KDM4C: variants seen among roughly 807,000 people sequenced by gnomAD.
KDM4C encodes lysine demethylase 4C, also known as lysine-specific demethylase 4C.
A neutral mutation model predicts 129.3 loss-of-function variants in KDM4C; 81 were observed. The observed-to-expected ratio is 0.63, with a 90% CI of 0.52 to 0.75. KDM4C has a LOEUF of 0.75. KDM4C is among the 30% of genes least tolerant of loss of function. The pLI is 0.00. For synonymous variants in KDM4C, 573 were observed against 456.1 expected (o/e 1.26, Z -3.26); for missense variants, 1,457 against 1,304.0 (o/e 1.12, Z -1.81).
At chr9:6,885,505 A>T (rs1207642360) in intron 6 of KDM4C, among the ~76,000 whole-genome samples, 2 of 152,170 alleles carry the variant, frequency 1.3e-5, no homozygotes, top group African/African-American at 4.8e-5. Context: ...GGTCTCTGGA[A>T]TACAAGCTTT....
chr9:6,873,078 C>T (rs1452055159), intron 5 of KDM4C, among the ~76,000 whole-genome samples: 2 of 152,060 alleles, frequency 1.3e-5, no homozygotes, highest in African/African-American at 4.8e-5. Flanking sequence ...AGGCGCGCAC[C>T]ACTCCACCTC....
intron 8 of KDM4C, among the ~76,000 whole-genome samples, chr9:6,979,614 T>G (rs1816415027): frequency 6.6e-6 from 1 of 152,266 alleles, no homozygotes; most frequent in East Asian, 1.9e-4. Context: ...TACACCTTAT[T>G]GAACTCAGGA....
At position 7,004,244 on chromosome 9, in the gene KDM4C, T is replaced by C. The variant is rs188250021; in HGVS notation, c.1787-7454T>C. Among the ~76,000 whole-genome samples, 578 of 152,348 alleles carry C rather than the reference T, an allele frequency of 3.8e-3. 9 individuals are homozygous for C. Among genetic ancestry groups the C allele is most frequent in the African/African-American group, 0.013 (543 of 41,580 alleles). The stretch of plus-strand genomic sequence containing the variant: ...ACATGTAACAAAATTTGTTCAAAGA[T>C]ACTGTCCTGAGTGAGTGAACGAATC... On this transcript the variant is annotated intron_variant, in intron 12 of 21. Transcript: ENST00000381309.
intron 21 of KDM4C, among the ~76,000 whole-genome samples, chr9:7,173,983 TAAGAA>T (rs1845208194): frequency 6.6e-6 from 1 of 152,066 alleles, no homozygotes; most frequent in Non-Finnish European, 1.5e-5. Context: ...AGCAGATAGT[TAAGAA>T]AGGGAACCCC....
At chr9:6,749,981 C>A (rs1387555928) in intron 1 of KDM4C, among the ~76,000 whole-genome samples, 1 of 99,458 alleles carries the variant, frequency 1.0e-5, no homozygotes. Flanking sequence ...AGTGAAACTC[C>A]TTCTCAAAAA....
intron 1 of KDM4C, among the ~76,000 whole-genome samples, chr9:6,771,502 G>T (rs1752146062): frequency 6.6e-6 from 1 of 151,308 alleles, no homozygotes; most frequent in Non-Finnish European, 1.5e-5. Flanking sequence ...GTAGAGACGG[G>T]GTTTCTCCAT....
intron 1 of KDM4C, among the ~76,000 whole-genome samples, chr9:6,728,090 A>T (rs1412230580): frequency 1.5e-5 from 2 of 132,104 alleles, no homozygotes; most frequent in East Asian, 4.4e-4. Context: ...AAAAAAAAAA[A>T]AAAAGTGTTA....
chr9:7,016,512 C>T (rs532409701), intron 15 of KDM4C, among the ~76,000 whole-genome samples: 12 of 148,954 alleles, frequency 8.1e-5, no homozygotes, highest in Middle Eastern at 3.4e-3. Flanking sequence ...TTGCAACCTC[C>T]GCCTCCCAGG....
At chr9:6,783,444 T>A (rs1047835093) in intron 1 of KDM4C, among the ~76,000 whole-genome samples, 2 of 152,228 alleles carry the variant, frequency 1.3e-5, no homozygotes, top group East Asian at 3.8e-4. Context: ...CCTAGCAGAC[T>A]GGACTGAGAT....
intron 4 of KDM4C, among the ~76,000 whole-genome samples, chr9:6,832,902 AT>A (rs35311426): frequency 1.9e-3 from 258 of 134,034 alleles, no homozygotes; most frequent in Admixed American, 3.4e-3. Context: ...TAATTTTTGT[AT>A]TTTTTTTTTT....
chr9:6,919,528 C>CATCT, intron 8 of KDM4C, among the ~76,000 whole-genome samples: 1 of 83,346 alleles, frequency 1.2e-5, no homozygotes, highest in Non-Finnish European at 2.8e-5. Context: ...CTTTCAATTT[C>CATCT]ATCTGTCTGT....
At position 7,046,802 on chromosome 9, in the gene KDM4C, A is replaced by G. The variant is rs1554715762; in HGVS notation, c.2260-60A>G. 16 of 1,082,118 alleles carry G rather than the reference A, an allele frequency of 1.5e-5. No individual in the cohort carries two copies. In the Admixed American group the frequency reaches 2.3e-4, roughly 15 times the overall value. 67.0% of individuals were successfully genotyped at this position (1,082,118 alleles called of 1,614,324 possible). On this transcript the variant is annotated intron_variant, in intron 15 of 21. Transcript: ENST00000381309. ...AGGATCTCTGAGAATATTTAGATGA[A>G]TGGTAATGACTTTTGTTATGTGGGT...
chr9:6,885,866 C>G (rs760583952), intron 6 of KDM4C, among the ~76,000 whole-genome samples: 26 of 152,316 alleles, frequency 1.7e-4, no homozygotes, highest in Non-Finnish European at 3.2e-4. Context: ...TCTTAATATA[C>G]TGCAAATTAC....
At chr9:6,856,532 C>T (rs1305394269) in intron 5 of KDM4C, among the ~76,000 whole-genome samples, 1 of 127,602 alleles carries the variant, frequency 7.8e-6, no homozygotes, top group Admixed American at 7.9e-5. Flanking sequence ...ATATCTCTCT[C>T]TGTGTGCGTG....
intron 8 of KDM4C, chr9:6,925,328 C>T (rs1007120429): frequency 4.1e-6 from 4 of 985,354 alleles, no homozygotes; most frequent in East Asian, 1.1e-4. Flanking sequence ...AAGCTTTCAT[C>T]AGTTGGGCGT....
At chr9:6,761,708 A>G (rs1310694092) in intron 1 of KDM4C, among the ~76,000 whole-genome samples, 2 of 152,218 alleles carry the variant, frequency 1.3e-5, no homozygotes, top group Non-Finnish European at 2.9e-5. Flanking sequence ...TAGTGATAAG[A>G]TAGGTACATT....
At chr9:6,875,994 T>G (rs1337484151) in intron 5 of KDM4C, among the ~76,000 whole-genome samples, 1 of 152,148 alleles carries the variant, frequency 6.6e-6, no homozygotes, top group Non-Finnish European at 1.5e-5. Context: ...GATGGTGCAG[T>G]AGAGAAAGAG....
intron 12 of KDM4C, among the ~76,000 whole-genome samples, chr9:6,993,282 A>G (rs994476916): frequency 6.6e-6 from 1 of 152,236 alleles, no homozygotes; most frequent in Non-Finnish European, 1.5e-5. Flanking sequence ...AATGTTAAAT[A>G]TATACTACAT....
At chr9:7,124,596 G>T (rs1197838746) in intron 18 of KDM4C, among the ~76,000 whole-genome samples, 1 of 152,186 alleles carries the variant, frequency 6.6e-6, no homozygotes, top group African/African-American at 2.4e-5. Flanking sequence ...GGGATGAATG[G>T]GGGTAAAGTC....
Sources: allele counts gnomAD v4.1 joint callset (sites outside exome capture counted in the v4.1 genomes callset), GRCh38; gene constraint gnomAD v4.1.1; transcripts MANE v1.5; gene names NCBI Gene and HGNC (gene_info 2026-07-23, HGNC 2026-07-21).